BDP1: variants seen among roughly 807,000 people sequenced by gnomAD.
The protein encoded by BDP1 is BDP1 general transcription factor IIIB subunit, also known as transcription factor TFIIIB component B'' homolog.
Under a neutral mutation model 266.6 loss-of-function variants are expected in BDP1, and 169 were observed. That is an observed-to-expected ratio of 0.63 (90% confidence interval 0.56 to 0.72). BDP1 has a LOEUF of 0.72. Among genes scored for constraint, BDP1 ranks in the 30% least tolerant of loss-of-function variants. BDP1 has a pLI of 0.00. For synonymous variants in BDP1, 1,090 were observed against 1,022.4 expected (o/e 1.07, Z -1.26); for missense variants, 3,015 against 3,053.8 (o/e 0.99, Z 0.30).
chr5:71,535,314 C>T (rs1275366210), intron 26 of BDP1, among the ~76,000 whole-genome samples: 2 of 151,904 alleles, frequency 1.3e-5, no homozygotes, highest in African/African-American at 4.8e-5. Context: ...AAGTGATTCT[C>T]CTGCCTCAGC....
the BDP1 span, among the ~76,000 whole-genome samples, chr5:71,575,300 G>A: frequency 6.6e-6 from 1 of 152,214 alleles, no homozygotes; most frequent in South Asian, 2.1e-4. Flanking sequence ...CAGGATTTCT[G>A]ATGGAGGTCA....
the BDP1 span, among the ~76,000 whole-genome samples, chr5:71,575,840 C>T: frequency 6.6e-6 from 1 of 152,306 alleles, no homozygotes; most frequent in South Asian, 2.1e-4. Flanking sequence ...CTACTGCTTA[C>T]ATCATTCATT....
Position 71,502,708 on chromosome 5 carries a change from G to C in BDP1, c.2158G>C (p.Glu720Gln), listed in dbSNP as rs751665557. 12 of 1,614,016 alleles carry C rather than the reference G, an allele frequency of 7.4e-6. No individual in the cohort carries two copies. Among genetic ancestry groups the C allele is most frequent in the Non-Finnish European group, 9.3e-6 (11 of 1,179,994 alleles). Reference protein sequence around the residue: ...KPKPNAGKAAERKEILISQEE... With the variant: ...KPKPNAGKAAQRKEILISQEE... The stretch of plus-strand genomic sequence containing the variant: ...AAAGCCAAATGCAGGTAAAGCTGCT[G>C]AAAGAAAAGAAATTCTCATATCACA... The change falls in exon 15 of 39, where the codon GAA becomes CAA. Residue 720 changes from glutamate (E) to glutamine (Q), a missense_variant. Around this residue, in one of 3 missense-constraint regions of BDP1, gnomAD observed 2,383 missense variants for 2,404.9 expected, o/e 0.99. Transcript: ENST00000358731.
chr5:71,480,640 C>T (rs1487627043), intron 7 of BDP1, among the ~76,000 whole-genome samples: 3 of 150,706 alleles, frequency 2.0e-5, no homozygotes, highest in Non-Finnish European at 2.9e-5. Context: ...GATCTCAGCT[C>T]ACTGCAACCT....
intron 13 of BDP1, among the ~76,000 whole-genome samples, chr5:71,500,621 C>A (rs1369196977): frequency 6.6e-6 from 1 of 152,034 alleles, no homozygotes; most frequent in Admixed American, 6.6e-5. Context: ...GCCACCATGC[C>A]CAGCCATTCC....
At chr5:71,569,816 AT>A (rs760429182), downstream of BDP1, among the ~76,000 whole-genome samples, 7 of 151,858 alleles carry the variant, frequency 4.6e-5, no homozygotes, top group Non-Finnish European at 8.8e-5. Flanking sequence ...TAAAAAAAAA[AT>A]CTGCAGGTGA....
intron 7 of BDP1, among the ~76,000 whole-genome samples, chr5:71,473,680 C>A (rs1762410053): frequency 6.6e-6 from 1 of 151,862 alleles, no homozygotes; most frequent in Admixed American, 6.6e-5. Flanking sequence ...TTTCTAGCTT[C>A]TTTATTTATT....
chr5:71,479,869 A>G (rs758782833), intron 7 of BDP1, among the ~76,000 whole-genome samples: 12 of 151,656 alleles, frequency 7.9e-5, no homozygotes, highest in Non-Finnish European at 1.5e-4. Context: ...TTCTTTTCCT[A>G]TCACATTTTC....
At chr5:71,491,586 A>G (rs1763597684) in intron 11 of BDP1, among the ~76,000 whole-genome samples, 2 of 152,084 alleles carry the variant, frequency 1.3e-5, no homozygotes, top group Non-Finnish European at 2.9e-5. Context: ...AACTATAAGC[A>G]CAGTGTTGTA....
chr5:71,466,587 T>C (rs1554109020), intron 5 of BDP1, among the ~76,000 whole-genome samples: 1 of 152,164 alleles, frequency 6.6e-6, no homozygotes, highest in Non-Finnish European at 1.5e-5. Context: ...TAAGAGCATA[T>C]CCTGGTGTGT....
chr5:71,481,563 A>T (rs1762973597), intron 7 of BDP1, among the ~76,000 whole-genome samples: 1 of 152,094 alleles, frequency 6.6e-6, no homozygotes, highest in Admixed American at 6.5e-5. Flanking sequence ...TCAATAAACA[A>T]AACAGAATAA....
intron 16 of BDP1, among the ~76,000 whole-genome samples, chr5:71,506,767 T>TAC (rs1764600003): frequency 7.4e-6 from 1 of 134,634 alleles, no homozygotes. Flanking sequence ...TTTATATATA[T>TAC]ATATATATAT....
chr5:71,525,624 G>A (rs1580144287), intron 25 of BDP1, among the ~76,000 whole-genome samples: 2 of 131,314 alleles, frequency 1.5e-5, no homozygotes, highest in East Asian at 2.4e-4. Flanking sequence ...CGGGGCGGCT[G>A]GCCGGGCGGG....
At chr5:71,478,397 C>G (rs1762729348) in intron 7 of BDP1, among the ~76,000 whole-genome samples, 1 of 152,154 alleles carries the variant, frequency 6.6e-6, no homozygotes, top group South Asian at 2.1e-4. Flanking sequence ...TTGGTGTTTT[C>G]ATTTCTTCCT....
At chr5:71,460,211 C>G (rs1387758285) in intron 2 of BDP1, among the ~76,000 whole-genome samples, 1 of 152,188 alleles carries the variant, frequency 6.6e-6, no homozygotes, top group Non-Finnish European at 1.5e-5. Context: ...GAAACCCCGT[C>G]TCTACTAAAA....
chr5:71,575,574 C>T, the BDP1 span, among the ~76,000 whole-genome samples: 6 of 152,206 alleles, frequency 3.9e-5, no homozygotes, highest in Non-Finnish European at 8.8e-5. Flanking sequence ...GGGCACCTTA[C>T]AGAAAGGTTT....
chr5:71,567,435 T>A lies in BDP1; in HGVS notation c.*2550T>A, dbSNP rs1447339676. 6.6e-6 allele frequency: 1 copy of A among 152,242 alleles called. No individual in the cohort carries two copies. Among genetic ancestry groups the A allele is most frequent in the Non-Finnish European group, 1.5e-5 (1 of 68,028 alleles). The allele number at this position is 152,242 out of a possible 1,614,324, so 9.4% of individuals were successfully genotyped here. ...AAAAGAGAAAGTTAATCAATGTATT[T>A]ACCTTACATGTTGGAAAGAACTATG... is the stretch of plus-strand genomic sequence containing the variant. On this transcript the variant is annotated 3_prime_UTR_variant, in exon 39 of 39. Coordinates refer to ENST00000358731, the MANE Select transcript of BDP1 (RefSeq NM_018429.3).
At chr5:71,545,289 T>A in intron 32 of BDP1, 70 bp downstream of exon 32, 1 of 1,326,888 alleles carries the variant, frequency 7.5e-7, no homozygotes, top group Non-Finnish European at 1.1e-6. Flanking sequence ...AAAGGTATAA[T>A]TTACATACAA....
At position 71,470,429 on chromosome 5, in the gene BDP1, A is replaced by T; in HGVS notation, c.954A>T (p.Val318=). Residue 318 remains valine, a synonymous_variant, in exon 7 of 39, where the codon GTA becomes GTT. Coordinates refer to ENST00000358731, the MANE Select transcript of BDP1 (RefSeq NM_018429.3). ...TDMFFLAISM[V]GTDFSMIGQL... is the part of the protein sequence containing the mutation. ...TGTTTTTTTTAGCCATCAGCATGGTAGGAACTGACTTTTCTATGATCGGAC... is the reference window on the plus strand; with the variant it reads ...TGTTTTTTTTAGCCATCAGCATGGTTGGAACTGACTTTTCTATGATCGGAC... 1 of 1,612,372 alleles carries T rather than the reference A, an allele frequency of 6.2e-7. No individual in the cohort carries two copies. Among genetic ancestry groups the T allele is most frequent in the Non-Finnish European group, 8.5e-7 (1 of 1,179,198 alleles).
Sources: gnomAD v4.1 joint callset for allele counts (sites outside exome capture counted in the v4.1 genomes callset) on GRCh38, gnomAD v4.1.1 for gene constraint, gnomAD v4.1.1 regional missense constraint, MANE v1.5 for transcripts, NCBI Gene and HGNC (gene_info 2026-07-23, HGNC 2026-07-21) for gene names.